Variants in RXRA observed in about 807,000 individuals in gnomAD.
RXRA encodes retinoic acid receptor RXR-alpha.
In RXRA, 5 loss-of-function variants were observed where a neutral mutation model predicts 44.5. The ratio of observed to expected loss-of-function variants is 0.11; its 90% CI spans 0.06 to 0.24. RXRA has a LOEUF of 0.24. Among genes scored for constraint, RXRA ranks in the 10% least tolerant of loss-of-function variants. The pLI is 1.00. For synonymous variants in RXRA, 291 were observed against 271.4 expected, an observed-to-expected ratio of 1.07 and a Z score of -0.71; for missense variants, 412 against 646.5, an observed-to-expected ratio of 0.64 and a Z score of 3.93.
intron 1 of RXRA, among the ~76,000 whole-genome samples, chr9:134,364,356 G>C (rs1830388727): frequency 6.6e-6 from 1 of 152,212 alleles, no homozygotes; most frequent in Admixed American, 6.5e-5. Context: ...ATATTAAATG[G>C]CCTCCACCCC....
In RXRA at chr9:134,426,773, G is replaced by A. The variant is rs1192311034; in HGVS notation, c.911-2335G>A. On this transcript the variant is annotated intron_variant, in intron 6 of 9. Coordinates refer to ENST00000481739, the MANE Select transcript of RXRA (RefSeq NM_002957.6). The surrounding 1 kb of genome is among the most constrained non-coding windows in gnomAD (Gnocchi z 4.6). Reference sequence around the variant, plus strand: ...GGATGTGAGGGAGAGAGGCAGGCCCGAGAGGCCAGGACTGGCCAGGGATGG... The same window carrying A: ...GGATGTGAGGGAGAGAGGCAGGCCCAAGAGGCCAGGACTGGCCAGGGATGG... The A allele has an allele frequency of 7.1e-6, 7 of 985,296 alleles. No homozygotes were observed. Among genetic ancestry groups the A allele is most frequent in the South Asian group, 9.4e-5 (2 of 21,294 alleles). 61.0% of individuals were successfully genotyped at this position (985,296 alleles called of 1,614,324 possible).
In RXRA at chr9:134,438,660, T is replaced by C. The variant is rs911137996; in HGVS notation, c.*2046T>C. On this transcript the variant is annotated 3_prime_UTR_variant, in exon 10 of 10. Transcript: ENST00000481739. ...AAATGGCAGGAGGGTGCAGGTACTCTTGGGGCCCCAGCGGTGGGAGTGCAA... is the reference window on the plus strand; with the variant it reads ...AAATGGCAGGAGGGTGCAGGTACTCCTGGGGCCCCAGCGGTGGGAGTGCAA... 4.1e-4 allele frequency: 62 copies of C among 152,848 alleles called. No individual in the cohort carries two copies. The highest frequency in any genetic ancestry group is 4.4e-5 in the Non-Finnish European group (3 of 68,190). The allele number at this position is 152,848 out of a possible 1,614,324, so 9.5% of individuals were successfully genotyped here. A position where few individuals can be genotyped will look rare whatever the true frequency, so the allele number is the denominator to read the frequency against.
chr9:134,328,444 C>G (rs545475830), intron 1 of RXRA, among the ~76,000 whole-genome samples: 61 of 152,128 alleles, frequency 4.0e-4, no homozygotes, highest in African/African-American at 1.4e-3. Context: ...AGCCACTGCC[C>G]CAGGGATCTC....
Position 134,426,666 on chromosome 9 carries a change from G to C in RXRA, c.911-2442G>C. Reference sequence around the variant, plus strand: ...AGAGTTTCAGAGGCGAGTCTACCCTGGTGCCTGCTGGGTGGCCTCAGGGGC... The same window carrying C: ...AGAGTTTCAGAGGCGAGTCTACCCTCGTGCCTGCTGGGTGGCCTCAGGGGC... On this transcript the variant is annotated intron_variant, in intron 6 of 9. Coordinates refer to ENST00000481739, the MANE Select transcript of RXRA (RefSeq NM_002957.6). This position sits in a 1 kb window ranked among gnomAD's most constrained non-coding sequence, Gnocchi z 4.6. 1 of 985,432 alleles carries C rather than the reference G, an allele frequency of 1.0e-6. No homozygotes were observed. The highest frequency in any genetic ancestry group is 1.2e-6 in the Non-Finnish European group (1 of 829,922). The allele number at this position is 985,432 out of a possible 1,614,324, so 61.0% of individuals were successfully genotyped here.
intron 1 of RXRA, among the ~76,000 whole-genome samples, chr9:134,383,058 G>C (rs1564279131): frequency 6.6e-6 from 1 of 152,230 alleles, no homozygotes; most frequent in Non-Finnish European, 1.5e-5. Context: ...GGGTGATTGG[G>C]CAGATGTGGC....
At chr9:134,379,228 G>A (rs556674851) in intron 1 of RXRA, 2 of 943,142 alleles carry the variant, frequency 2.1e-6, no homozygotes, top group Non-Finnish European at 2.5e-6. Flanking sequence ...GGCCTTTCCT[G>A]ATCCCTGTGG....
intron 1 of RXRA, among the ~76,000 whole-genome samples, chr9:134,395,900 C>T (rs1830870854): frequency 6.6e-6 from 1 of 152,216 alleles, no homozygotes; most frequent in Non-Finnish European, 1.5e-5. Flanking sequence ...CAGCCTGGGC[C>T]ACCTGAGCTG....
At chr9:134,354,617 G>T (rs1156844387) in intron 1 of RXRA, among the ~76,000 whole-genome samples, 2 of 152,364 alleles carry the variant, frequency 1.3e-5, no homozygotes, top group East Asian at 3.9e-4. Flanking sequence ...TGGTGATTCT[G>T]TTGTGCCCCA....
At chr9:134,352,002 G>A (rs1222911914) in intron 1 of RXRA, among the ~76,000 whole-genome samples, 2 of 152,224 alleles carry the variant, frequency 1.3e-5, no homozygotes, top group Non-Finnish European at 2.9e-5. Context: ...GTCCTACCAA[G>A]TTTGCCTGCA....
intron 1 of RXRA, among the ~76,000 whole-genome samples, chr9:134,400,349 T>C (rs978016942): frequency 6.6e-6 from 1 of 152,134 alleles, no homozygotes; most frequent in Non-Finnish European, 1.5e-5. Context: ...ACCTGGGGCA[T>C]GTGGGCTCAG....
chr9:134,395,681 G>A (rs941001724), intron 1 of RXRA, among the ~76,000 whole-genome samples: 3 of 152,222 alleles, frequency 2.0e-5, no homozygotes, highest in African/African-American at 7.2e-5. Flanking sequence ...TGGGGGGCTG[G>A]ACCTCCCCAT....
chr9:134,387,573 T>G (rs1359263825), intron 1 of RXRA, among the ~76,000 whole-genome samples: 1 of 152,252 alleles, frequency 6.6e-6, no homozygotes, highest in Non-Finnish European at 1.5e-5. Flanking sequence ...TGCCGGGCAG[T>G]CTCTGGGAGC....
At chr9:134,419,089 C>T (rs912267127) in intron 5 of RXRA, among the ~76,000 whole-genome samples, 14 of 152,170 alleles carry the variant, frequency 9.2e-5, no homozygotes, top group African/African-American at 2.9e-4. Context: ...CAGCAGGCAC[C>T]GTTCTTTCCG....
chr9:134,381,405 C>T (rs1830644110), intron 1 of RXRA, among the ~76,000 whole-genome samples: 1 of 152,116 alleles, frequency 6.6e-6, no homozygotes, highest in Non-Finnish European at 1.5e-5. Context: ...TCTCTCAGGG[C>T]TGGGCCCTGT....
At chr9:134,422,102 G>GGACA in intron 6 of RXRA, 1 of 1,315,252 alleles carries the variant, frequency 7.6e-7, no homozygotes, top group African/African-American at 1.7e-5. Context: ...CCGACTCCTG[G>GGACA]GACACACTTC....
chr9:134,436,014 C>T (rs1426531959), intron 9 of RXRA, among the ~76,000 whole-genome samples: 1 of 152,164 alleles, frequency 6.6e-6, no homozygotes, highest in Non-Finnish European at 1.5e-5. Context: ...TACTGTTTTT[C>T]TCTTTTTCTT....
intron 4 of RXRA, among the ~76,000 whole-genome samples, chr9:134,411,089 G>A (rs1442017350): frequency 4.6e-5 from 7 of 152,186 alleles, no homozygotes; most frequent in African/African-American, 1.4e-4. Flanking sequence ...CACAGGCCTG[G>A]CTGCAGGGAG....
intron 1 of RXRA, among the ~76,000 whole-genome samples, chr9:134,370,416 C>T (rs938884711): frequency 6.6e-6 from 1 of 152,200 alleles, no homozygotes; most frequent in Non-Finnish European, 1.5e-5. Context: ...AGACGAGGCT[C>T]CTCACCTCGG....
intron 1 of RXRA, chr9:134,379,329 G>C (rs1021841576): frequency 2.0e-6 from 2 of 987,340 alleles, no homozygotes; most frequent in Non-Finnish European, 2.4e-6. Context: ...GGATGAAGGA[G>C]GGCTGGGGGC....
Sources: gnomAD v4.1 joint callset for allele counts (sites outside exome capture counted in the v4.1 genomes callset) on GRCh38, gnomAD v4.1.1 for gene constraint, Gnocchi (gnomAD v3.1) non-coding constraint, MANE v1.5 for transcripts, NCBI Gene and HGNC (gene_info 2026-07-23, HGNC 2026-07-21) for gene names.